Variants in PRKG1 observed in about 807,000 individuals in gnomAD.
PRKG1 encodes cGMP-dependent protein kinase 1.
In PRKG1, 35 loss-of-function variants were observed where a neutral mutation model predicts 88.1. That is an observed-to-expected ratio of 0.40 (90% CI 0.30 to 0.53). PRKG1 has a LOEUF of 0.53. Among genes scored for constraint, PRKG1 ranks in the 20% least tolerant of loss-of-function variants. The pLI is 0.59. For synonymous variants in PRKG1, 303 were observed against 292.5 expected (o/e 1.04, Z -0.37); for missense variants, 540 against 839.8 (o/e 0.64, Z 4.41).
intron 2 of PRKG1, among the ~76,000 whole-genome samples, chr10:51,338,597 C>T (rs1214804538): frequency 2.0e-5 from 3 of 152,068 alleles, no homozygotes; most frequent in Non-Finnish European, 2.9e-5. Context: ...AAGCATCTCC[C>T]TGGATTGTGT....
intron 1 of PRKG1, among the ~76,000 whole-genome samples, chr10:51,003,091 C>G (rs1842905412): frequency 6.6e-6 from 1 of 152,098 alleles, no homozygotes; most frequent in Non-Finnish European, 1.5e-5. Context: ...AACAATGTTA[C>G]ACTGTCTATG....
intron 1 of PRKG1, among the ~76,000 whole-genome samples, chr10:51,057,922 A>G (rs1843648474): frequency 1.3e-5 from 2 of 152,108 alleles, no homozygotes; most frequent in South Asian, 4.1e-4. Flanking sequence ...TAATTAGTTT[A>G]GGTAGACGTT....
intron 2 of PRKG1, among the ~76,000 whole-genome samples, chr10:51,366,449 G>A (rs372372654): frequency 1.8e-4 from 28 of 152,006 alleles, no homozygotes; most frequent in East Asian, 7.8e-4. Context: ...CTTTGGAAGC[G>A]TCTGATCAGC....
At chr10:51,829,175 C>G (rs941225002) in intron 4 of PRKG1, among the ~76,000 whole-genome samples, 1 of 152,188 alleles carries the variant, frequency 6.6e-6, no homozygotes, top group African/African-American at 2.4e-5. Flanking sequence ...GGATGCATTA[C>G]AATATGGCAG....
At chr10:52,152,461 G>A (rs1837955369) in intron 8 of PRKG1, among the ~76,000 whole-genome samples, 1 of 152,082 alleles carries the variant, frequency 6.6e-6, no homozygotes, top group African/African-American at 2.4e-5. Context: ...TTTGAGTGAA[G>A]GCTACTTTGC....
chr10:51,256,157 T>C (rs557572572), intron 2 of PRKG1, among the ~76,000 whole-genome samples: 1 of 152,262 alleles, frequency 6.6e-6, no homozygotes, highest in South Asian at 2.1e-4. Flanking sequence ...TTTTCTCCTT[T>C]CTCAGGGAAG....
chr10:52,277,419 A>G lies in PRKG1; in HGVS notation c.1404-3370A>G, dbSNP rs566089137. 1.6e-4 allele frequency among the ~76,000 whole-genome samples: 25 copies of G among 152,312 alleles called. No individual in the cohort carries two copies. In the South Asian group the frequency reaches 4.1e-3, roughly 25 times the overall value. On this transcript the variant is annotated intron_variant, in intron 12 of 17. Transcript: ENST00000373980. ...TAATTTTACTATATTAAGACATAGTAGCTAAAAAATAGTTTTCTGGTGCTC... is the reference window on the plus strand; with the variant it reads ...TAATTTTACTATATTAAGACATAGTGGCTAAAAAATAGTTTTCTGGTGCTC...
chr10:51,605,544 T>TA (rs1179368762), intron 3 of PRKG1, among the ~76,000 whole-genome samples: 2 of 152,212 alleles, frequency 1.3e-5, no homozygotes, highest in East Asian at 3.9e-4. Flanking sequence ...ACAAACATAA[T>TA]ACTTTACTCA....
intron 2 of PRKG1, among the ~76,000 whole-genome samples, chr10:51,300,699 A>G (rs1840859970): frequency 1.3e-5 from 2 of 152,196 alleles, no homozygotes; most frequent in African/African-American, 4.8e-5. Flanking sequence ...TTCTTTTACA[A>G]AACAATGTTC....
intron 3 of PRKG1, among the ~76,000 whole-genome samples, chr10:51,737,302 T>G (rs1589245567): frequency 6.6e-6 from 1 of 152,314 alleles, no homozygotes; most frequent in African/African-American, 2.4e-5. Flanking sequence ...GCTCAAACGC[T>G]TTCTTACCGT....
chr10:51,018,227 G>A (rs1408167966), intron 1 of PRKG1, among the ~76,000 whole-genome samples: 1 of 152,116 alleles, frequency 6.6e-6, no homozygotes, highest in African/African-American at 2.4e-5. Flanking sequence ...ATTGCTGAAG[G>A]ATAATTTTGC....
At chr10:51,326,960 A>C (rs1386632646) in intron 2 of PRKG1, among the ~76,000 whole-genome samples, 1 of 152,172 alleles carries the variant, frequency 6.6e-6, no homozygotes, top group Non-Finnish European at 1.5e-5. Context: ...GTTGATCATG[A>C]AAATAGTATC....
intron 3 of PRKG1, among the ~76,000 whole-genome samples, chr10:51,758,451 C>T (rs988763223): frequency 6.6e-6 from 1 of 152,104 alleles, no homozygotes; most frequent in African/African-American, 2.4e-5. Flanking sequence ...AATTGACCAA[C>T]AGTCTAAGAT....
intron 9 of PRKG1, among the ~76,000 whole-genome samples, chr10:52,244,057 T>G (rs1488402871): frequency 6.6e-6 from 1 of 152,098 alleles, no homozygotes; most frequent in Non-Finnish European, 1.5e-5. Flanking sequence ...ATACTTCAGA[T>G]TCATTAAATT....
At chr10:52,153,799 G>T (rs1424290877) in intron 8 of PRKG1, among the ~76,000 whole-genome samples, 1 of 152,160 alleles carries the variant, frequency 6.6e-6, no homozygotes, top group African/African-American at 2.4e-5. Context: ...AGGCTGGAGT[G>T]CAATGGCATG....
chr10:51,126,236 ATTATATATTTATAATTAT>A (rs1386316616), intron 1 of PRKG1, among the ~76,000 whole-genome samples: 1 of 115,174 alleles, frequency 8.7e-6, no homozygotes, highest in African/African-American at 3.6e-5. Context: ...TATATTTATA[ATTATATATTTATAATTAT>A]TTATATATTT....
chr10:51,544,338 G>A (rs964382911), intron 3 of PRKG1, among the ~76,000 whole-genome samples: 1 of 151,966 alleles, frequency 6.6e-6, no homozygotes, highest in Non-Finnish European at 1.5e-5. Flanking sequence ...AGTTTGCTGA[G>A]ATTGATGGTT....
At chr10:51,407,785 C>A (rs746438944) in intron 2 of PRKG1, among the ~76,000 whole-genome samples, 3 of 152,190 alleles carry the variant, frequency 2.0e-5, no homozygotes, top group Non-Finnish European at 4.4e-5. Context: ...AAGAGACACC[C>A]TAATGGATCT....
chr10:51,477,729 G>A (rs1840239048), intron 3 of PRKG1, among the ~76,000 whole-genome samples: 1 of 151,940 alleles, frequency 6.6e-6, no homozygotes, highest in Admixed American at 6.6e-5. Context: ...AAGGGAGTTC[G>A]AACTTTCGTC....
Sources: gnomAD v4.1 joint callset for allele counts (sites outside exome capture counted in the v4.1 genomes callset) on GRCh38, gnomAD v4.1.1 for gene constraint, MANE v1.5 for transcripts, NCBI Gene and HGNC (gene_info 2026-07-23, HGNC 2026-07-21) for gene names.